Variants in OSBP2 observed in about 807,000 individuals in gnomAD.
OSBP2 encodes oxysterol binding protein 2.
In OSBP2, 66 loss-of-function variants were observed where a neutral mutation model predicts 96.0. The ratio of observed to expected loss-of-function variants is 0.69; its 90% confidence interval spans 0.56 to 0.84. The LOEUF is 0.84. Ranked by LOEUF, OSBP2 falls within the 40% of genes least tolerant of loss-of-function variation. OSBP2 has a pLI of 0.00. For synonymous variants in OSBP2, 525 were observed against 520.9 expected (o/e 1.01, Z -0.11); for missense variants, 1,038 against 1,222.7 (o/e 0.85, Z 2.25).
rs767945051 is a variant in OSBP2, at chr22:30,893,990, G to A, written c.2364G>A (p.Lys788=). The change falls in exon 12 of 14, where the codon AAG becomes AAA. Residue 788 remains lysine, a synonymous_variant. Transcript: ENST00000332585. ...TGTCAGCCAAGCTGCTGTGGAAGAA[G>A]TACCCGCTGCCGTGAGTAGGGCTGG... The part of the protein sequence containing the change: ...QTLSAKLLWK[K]YPLPENAENM... The A allele has an allele frequency of 2.1e-5, 34 of 1,594,984 alleles. No individual in the cohort carries two copies. In the African/African-American group the frequency reaches 3.6e-4, roughly 17 times the overall value.
chr22:30,704,790 A>G (rs2089224262), intron 1 of OSBP2, among the ~76,000 whole-genome samples: 1 of 152,176 alleles, frequency 6.6e-6, no homozygotes. Flanking sequence ...TACAAACAGT[A>G]TAGGCACAGT....
intron 2 of OSBP2, among the ~76,000 whole-genome samples, chr22:30,790,707 T>G (rs910491577): frequency 2.0e-5 from 3 of 151,964 alleles, no homozygotes; most frequent in African/African-American, 7.3e-5. Context: ...GAAATTTTTT[T>G]GATATGTGGT....
chr22:30,797,883 C>T (rs1483686263), intron 2 of OSBP2, among the ~76,000 whole-genome samples: 3 of 152,214 alleles, frequency 2.0e-5, no homozygotes, highest in African/African-American at 7.2e-5. Context: ...TGTGAGCCAC[C>T]ATACCCAGCC....
chr22:30,811,332 TTTTATTTA>T (rs141199866), intron 2 of OSBP2, among the ~76,000 whole-genome samples: 4 of 138,132 alleles, frequency 2.9e-5, no homozygotes, highest in East Asian at 2.1e-4. Context: ...TTTTTATTTA[TTTTATTTA>T]TTTATTTATT....
intron 3 of OSBP2, among the ~76,000 whole-genome samples, chr22:30,877,827 T>G (rs2039617141): frequency 6.6e-6 from 1 of 152,218 alleles, no homozygotes; most frequent in Admixed American, 6.5e-5. Context: ...TGGTCACTCA[T>G]GCTGGGCCTA....
chr22:30,817,204 G>A (rs999494136), intron 2 of OSBP2, among the ~76,000 whole-genome samples: 1 of 152,196 alleles, frequency 6.6e-6, no homozygotes, highest in Non-Finnish European at 1.5e-5. Context: ...ATCTAAGAAT[G>A]GCTATTCTTA....
chr22:30,825,025 A>C (rs1483430948), intron 2 of OSBP2, among the ~76,000 whole-genome samples: 2 of 152,106 alleles, frequency 1.3e-5, no homozygotes, highest in Non-Finnish European at 2.9e-5. Context: ...GGAAGCGTGG[A>C]TTGAAAGAGG....
In OSBP2 at chr22:30,711,681, A is replaced by C. The variant is rs2089353752; in HGVS notation, c.644+16128A>C. ...CTCGAGCCTGGGAGGCAGAAGTTGC[A>C]CTGAGCCAAGATCACATTACTGCAC... is the stretch of plus-strand genomic sequence containing the variant. On this transcript the variant is annotated intron_variant, in intron 1 of 13. Coordinates refer to ENST00000332585, the MANE Select transcript of OSBP2 (RefSeq NM_030758.4). Among the ~76,000 whole-genome samples, 6 of 150,392 alleles carry C rather than the reference A, an allele frequency of 4.0e-5. No homozygotes were observed. In the Admixed American group the frequency reaches 4.0e-4, roughly 10 times the overall value.
chr22:30,730,774 C>CTCTCTCTCTCTCTA (rs1569100458), intron 1 of OSBP2, among the ~76,000 whole-genome samples: 1 of 13,842 alleles, frequency 7.2e-5, no homozygotes, highest in Non-Finnish European at 1.4e-4. Flanking sequence ...CTCTCTCTCT[C>CTCTCTCTCTCTCTA]TATATATATA....
At chr22:30,887,386 C>G (rs1278594091) in intron 3 of OSBP2, 40 bp from the exon 4 acceptor site, 1 of 1,571,648 alleles carries the variant, frequency 6.4e-7, no homozygotes, top group South Asian at 1.1e-5. Flanking sequence ...GGGCCCCTGC[C>G]AGAGGCCAGG....
chr22:30,732,225 A>C (rs746672543), intron 1 of OSBP2, among the ~76,000 whole-genome samples: 2 of 152,090 alleles, frequency 1.3e-5, no homozygotes, highest in Non-Finnish European at 2.9e-5. Flanking sequence ...AATCACTTGA[A>C]CCTGGGAGGC....
At chr22:30,734,112 T>C (rs1271320638) in intron 1 of OSBP2, among the ~76,000 whole-genome samples, 1 of 152,058 alleles carries the variant, frequency 6.6e-6, no homozygotes, top group East Asian at 1.9e-4. Flanking sequence ...GTAGCTGGGA[T>C]TACAGACATG....
intron 2 of OSBP2, among the ~76,000 whole-genome samples, chr22:30,848,192 C>A (rs2038910269): frequency 6.6e-6 from 1 of 152,096 alleles, no homozygotes; most frequent in Non-Finnish European, 1.5e-5. Context: ...TAGGGCGTTT[C>A]CAGATGTTTT....
At chr22:30,814,741 T>G (rs149092773) in intron 2 of OSBP2, among the ~76,000 whole-genome samples, 1 of 152,328 alleles carries the variant, frequency 6.6e-6, no homozygotes, top group East Asian at 1.9e-4. Context: ...TTTAAAGGGC[T>G]TATCTCCATA....
intron 3 of OSBP2, chr22:30,872,592 G>A (rs1436229367): frequency 2.8e-6 from 1 of 358,294 alleles, no homozygotes; most frequent in African/African-American, 2.1e-5. Flanking sequence ...TGGCGGCAGA[G>A]TCAGCCCTGA....
At chr22:30,772,887 G>A (rs2090370113) in intron 2 of OSBP2, among the ~76,000 whole-genome samples, 1 of 151,648 alleles carries the variant, frequency 6.6e-6, no homozygotes, top group African/African-American at 2.4e-5. Flanking sequence ...CCGTCTCCTG[G>A]GTTCAAGCAA....
chr22:30,730,403 T>C (rs1468744127), intron 1 of OSBP2, among the ~76,000 whole-genome samples: 2 of 152,130 alleles, frequency 1.3e-5, no homozygotes, highest in Non-Finnish European at 2.9e-5. Context: ...TTCCCCCCAC[T>C]TATTGTTAAC....
At chr22:30,805,286 A>G (rs2090913469) in intron 2 of OSBP2, among the ~76,000 whole-genome samples, 1 of 152,222 alleles carries the variant, frequency 6.6e-6, no homozygotes, top group Admixed American at 6.5e-5. Flanking sequence ...GCAAACAAAG[A>G]TGTAGTGATG....
chr22:30,724,205 C>A (rs1388620981), intron 1 of OSBP2, among the ~76,000 whole-genome samples: 1 of 151,880 alleles, frequency 6.6e-6, no homozygotes, highest in Non-Finnish European at 1.5e-5. Context: ...AAATTTCCAC[C>A]ATGTCTGGTT....
Sources: gnomAD v4.1 joint callset for allele counts (sites outside exome capture counted in the v4.1 genomes callset) on GRCh38, gnomAD v4.1.1 for gene constraint, MANE v1.5 for transcripts, NCBI Gene and HGNC (gene_info 2026-07-23, HGNC 2026-07-21) for gene names.